The following PCNT variants were observed in gnomAD, a reference collection of about 807,000 sequenced individuals.
PCNT encodes kendrin.
PCNT carries 319 observed loss-of-function variants against 380.4 expected under a neutral mutation model. The observed-to-expected ratio is 0.84, with a 90% CI of 0.77 to 0.92. The LOEUF (loss-of-function observed/expected upper bound fraction) is 0.92, where lower values mean the gene tolerates loss of function less well. PCNT is among the 40% of genes least tolerant of loss of function. PCNT has a pLI of 0.00. For missense variants in PCNT, 4,400 were observed against 4,255.3 expected, an observed-to-expected ratio of 1.03 and a Z score of -0.95; for synonymous variants, 1,845 against 1,735.2, an observed-to-expected ratio of 1.06 and a Z score of -1.57.
At chr21:46,351,153 G>C (rs996690202) in intron 8 of PCNT, among the ~76,000 whole-genome samples, 1 of 152,182 alleles carries the variant, frequency 6.6e-6, no homozygotes, top group African/African-American at 2.4e-5. Flanking sequence ...GGCCGGCATG[G>C]AACCTGGCCG....
At chr21:46,441,525 G>A (rs767711184) in intron 43 of PCNT, among the ~76,000 whole-genome samples, 5 of 151,592 alleles carry the variant, frequency 3.3e-5, no homozygotes, top group East Asian at 1.9e-4. Context: ...ACCAGGTGCC[G>A]AGCCAGTTCA....
At position 46,441,102 on chromosome 21, in the gene PCNT, C is replaced by CAGTCAGTG. The variant is rs1187908523; in HGVS notation, c.9623+19_9623+26dup. 2 of 1,478,490 alleles carry CAGTCAGTG rather than the reference C, an allele frequency of 1.4e-6. No homozygotes were observed. Among genetic ancestry groups the CAGTCAGTG allele is most frequent in the Admixed American group, 3.3e-5 (2 of 59,878 alleles). 91.6% of individuals were successfully genotyped at this position (1,478,490 alleles called of 1,614,324 possible). A position where few individuals can be genotyped will look rare whatever the true frequency, so the allele number is the denominator to read the frequency against. On this transcript the variant is annotated intron_variant, in intron 43 of 46. Transcript: ENST00000359568. ...ATATTAAGGTAAATGCCATGACGTT[C>CAGTCAGTG]AGTCAGTGCGTTCCGCGTCTGTCTC...
rs201526605 is a variant in PCNT at position 46,443,860 on chromosome 21, C to A, written c.9751C>A (p.Pro3251Thr). ...TCCACCCAGAACCAGAGAGTCCCCCCCAACCCGGGATGTACCCTCTGGCCA... is the reference window on the plus strand; with the variant it reads ...TCCACCCAGAACCAGAGAGTCCCCCACAACCCGGGATGTACCCTCTGGCCA... ...QSPPRTRESPPTRDVPSGHTR... is the reference protein window; with the variant it reads ...QSPPRTRESPTTRDVPSGHTR... The change falls in exon 45 of 47, where the codon CCA (proline) becomes ACA (threonine). Residue 3251 changes from proline (P) to threonine (T), a missense_variant. By Grantham distance (38) the Pro-to-Thr change is conservative (BLOSUM62 -1). Coordinates refer to ENST00000359568, the MANE Select transcript of PCNT (RefSeq NM_006031.6). The A allele has an allele frequency of 5.6e-6, 9 of 1,613,310 alleles. No homozygotes were observed. The highest frequency in any genetic ancestry group is 4.0e-5 in the African/African-American group (3 of 74,930).
At chr21:46,341,636 G>A (rs1011308201) in intron 3 of PCNT, among the ~76,000 whole-genome samples, 1 of 151,694 alleles carries the variant, frequency 6.6e-6, no homozygotes, top group Non-Finnish European at 1.5e-5. Flanking sequence ...CAAAGTGCTG[G>A]GATTATAGGT....
In PCNT at chr21:46,430,541, G is replaced by C. The variant is rs1156745156; in HGVS notation, c.7948G>C (p.Ala2650Pro). ...MLSSKENELK[A>P]ALQELESEQG... Reference sequence around the variant, plus strand: ...GAGCAGTAAGGAGAACGAGCTGAAGGCCGCGCTTCAGGAGCTGGAGAGTGA... The same window carrying C: ...GAGCAGTAAGGAGAACGAGCTGAAGCCCGCGCTTCAGGAGCTGGAGAGTGA... Residue 2650 changes from alanine to proline, a missense_variant, in exon 37 of 47, where the codon GCC (alanine) becomes CCC (proline). Ala to Pro is a conservative substitution (Grantham distance 27, BLOSUM62 -1). Coordinates refer to ENST00000359568, the MANE Select transcript of PCNT (RefSeq NM_006031.6). The C allele has an allele frequency of 6.4e-7, 1 of 1,554,612 alleles. No homozygotes were observed. The highest frequency in any genetic ancestry group is 2.4e-5 in the East Asian group (1 of 41,362).
At chr21:46,340,251 A>G (rs2083875542) in intron 3 of PCNT, among the ~76,000 whole-genome samples, 1 of 152,124 alleles carries the variant, frequency 6.6e-6, no homozygotes, top group Non-Finnish European at 1.5e-5. Flanking sequence ...ACCCGCCCCC[A>G]TGATTCAGTT....
intron 12 of PCNT, among the ~76,000 whole-genome samples, chr21:46,356,751 C>T (rs2084493446): frequency 6.6e-6 from 1 of 152,212 alleles, no homozygotes; most frequent in Admixed American, 6.5e-5. Context: ...ATCCCTGTGA[C>T]TCGGGACGGC....
At chr21:46,403,320 A>AATGCTCCCTGAGT (rs2086496282) in intron 27 of PCNT, among the ~76,000 whole-genome samples, 1 of 125,368 alleles carries the variant, frequency 8.0e-6, no homozygotes, top group African/African-American at 3.0e-5. Flanking sequence ...ACAGCGTGGG[A>AATGCTCCCTGAGT]GAATTGTGTG....
intron 6 of PCNT, among the ~76,000 whole-genome samples, chr21:46,348,069 T>C (rs577993389): frequency 2.0e-5 from 3 of 152,284 alleles, no homozygotes; most frequent in Admixed American, 6.5e-5. Flanking sequence ...TGGCAGACGA[T>C]GGGTGTTAGT....
chr21:46,332,031 G>T (rs190599622), intron 2 of PCNT, among the ~76,000 whole-genome samples: 1 of 152,154 alleles, frequency 6.6e-6, no homozygotes, highest in Non-Finnish European at 1.5e-5. Flanking sequence ...CTCATGGCAG[G>T]CGCCTGTAAT....
chr21:46,411,267 C>G lies in PCNT; in HGVS notation c.5194C>G (p.Gln1732Glu). The G allele has an allele frequency of 1.2e-6, 2 of 1,614,184 alleles. No homozygotes were observed. Among genetic ancestry groups the G allele is most frequent in the Non-Finnish European group, 1.7e-6 (2 of 1,180,016 alleles). ...ENLQENQKRL[Q>E]KEKAEEIEQL... ...TCTGCAAGAGAATCAGAAACGATTA[C>G]AAAAGGAGAAAGCAGAGGAAATTGA... The change falls in exon 28 of 47, where the codon CAA becomes GAA. Residue 1732 changes from glutamine (Q) to glutamate (E), a missense_variant. Physicochemically the swap from Gln to Glu is conservative, Grantham distance 29 (BLOSUM62 2). Coordinates refer to ENST00000359568, the MANE Select transcript of PCNT (RefSeq NM_006031.6).
chr21:46,426,069 C>CCT (rs2087484190), intron 33 of PCNT, 98 bp downstream of exon 33: 25 of 309,270 alleles, frequency 8.1e-5, no homozygotes, highest in Non-Finnish European at 1.2e-4. Flanking sequence ...GGATTTCTTT[C>CCT]TTTTTTTTTT....
rs1226165772 is a variant in PCNT, at chr21:46,366,962, CTT to C, written c.2990_2991del (p.Phe997Ter). 1 of 1,614,244 alleles carries C rather than the reference CTT, an allele frequency of 6.2e-7. No homozygotes were observed. Among genetic ancestry groups the C allele is most frequent in the Non-Finnish European group, 8.5e-7 (1 of 1,180,052 alleles). ...RQALELLRAD[F>X]EEQLWKKDSL... The stretch of plus-strand genomic sequence containing the variant: ...AGGCCCTAGAGCTCTTACGAGCAGA[CTT>C]TGAGGAACAACTGTGGAAAAAGGAC... On this transcript the variant is annotated frameshift_variant, in exon 15 of 47. Transcript: ENST00000359568. LOFTEE classifies it high-confidence loss of function.
rs151325202 is a variant in PCNT at position 46,436,041 on chromosome 21, G to A, written c.8889G>A (p.Ser2963=). The part of the protein sequence containing the change: ...HLGSARRAAG[S]DADHLREQQR... ...GTTCTGCCCGCAGGGCTGCCGGCTC[G>A]GATGCGGACCACCTCCGGGAACAGC... Residue 2963 remains serine (S), a synonymous_variant, in exon 39 of 47, where the codon TCG becomes TCA. Coordinates refer to ENST00000359568, the MANE Select transcript of PCNT (RefSeq NM_006031.6). 1,897 of 1,613,850 alleles carry A rather than the reference G, an allele frequency of 1.2e-3. 6 individuals are homozygous for A. The highest frequency in any genetic ancestry group is 2.4e-3 in the South Asian group (216 of 91,086).
At chr21:46,373,055 T>A (rs1271234731) in intron 15 of PCNT, among the ~76,000 whole-genome samples, 2 of 152,232 alleles carry the variant, frequency 1.3e-5, no homozygotes, top group African/African-American at 4.8e-5. Context: ...AGGATCTTGC[T>A]CTGTCGCCCA....
At chr21:46,418,824 G>A (rs1235954875) in intron 31 of PCNT, among the ~76,000 whole-genome samples, 5 of 152,258 alleles carry the variant, frequency 3.3e-5, no homozygotes, top group Admixed American at 1.3e-4. Flanking sequence ...TGACTGTGGC[G>A]TGTCCTCGCG....
intron 27 of PCNT, among the ~76,000 whole-genome samples, chr21:46,404,565 A>G (rs2086569472): frequency 2.1e-5 from 3 of 139,680 alleles, no homozygotes; most frequent in South Asian, 2.1e-4. Flanking sequence ...CGAAGTCCTC[A>G]TAGTTTCTGG....
In PCNT at chr21:46,436,211, G is replaced by A. The variant is rs182087588; in HGVS notation, c.8996+63G>A. 2.6e-4 allele frequency: 414 copies of A among 1,583,704 alleles called. No homozygotes were observed. The East Asian group carries it at 7.5e-3, about 29-fold the overall frequency. ...GCAGCCACCCCTCTGTCCCAGACCC[G>A]GCCCGAGGGCTGGGGCGCGTCTGGT... On this transcript the variant is annotated intron_variant, in intron 39 of 46. Transcript: ENST00000359568.
chr21:46,326,454 GGCT>G lies in PCNT; in HGVS notation c.134_136del (p.Ala45del). ...AAAAGACGGCGAAGAGGAAGGGCTC[GGCT>G]GTCGATGCGTCTGTCCAGGAGGAGA... On this transcript the variant is annotated inframe_deletion, in exon 2 of 47. Coordinates refer to ENST00000359568, the MANE Select transcript of PCNT (RefSeq NM_006031.6). 1 of 1,614,222 alleles carries G rather than the reference GGCT, an allele frequency of 6.2e-7. No individual in the cohort carries two copies. The highest frequency in any genetic ancestry group is 8.5e-7 in the Non-Finnish European group (1 of 1,180,044).
Sources: allele counts gnomAD v4.1 joint callset (sites outside exome capture counted in the v4.1 genomes callset), GRCh38; gene constraint gnomAD v4.1.1; transcripts MANE v1.5; gene names NCBI Gene and HGNC (gene_info 2026-07-23, HGNC 2026-07-21).